Variants in ABI1 observed in about 807,000 individuals in gnomAD.
ABI1 encodes Abelson interactor 1.
A neutral mutation model predicts 54.6 loss-of-function variants in ABI1; 14 were observed. That is an observed-to-expected ratio of 0.26 (90% CI 0.17 to 0.40). The LOEUF (loss-of-function observed/expected upper bound fraction) is 0.40, where lower values mean the gene tolerates loss of function less well. Ranked by LOEUF, ABI1 falls within the 10% of genes least tolerant of loss-of-function variation. The pLI is 1.00. For synonymous variants in ABI1, 194 were observed against 209.3 expected (o/e 0.93, Z 0.63); for missense variants, 443 against 598.3 (o/e 0.74, Z 2.71).
intron 1 of ABI1, among the ~76,000 whole-genome samples, chr10:26,826,559 G>A (rs555419834): frequency 6.6e-6 from 1 of 152,288 alleles, no homozygotes; most frequent in East Asian, 1.9e-4. Flanking sequence ...GCCTTTGAAG[G>A]CCAGGCATGG....
At position 26,860,756 on chromosome 10, in the gene ABI1, G is replaced by C; in HGVS notation, c.108C>G (p.Asn36Lys). ...CGCCAGAGCGCCTCACCTGTATGTA[G>C]TTGTTTTCACAGTAGTCTGCCACCC... is the stretch of plus-strand genomic sequence containing the variant. The part of the protein sequence containing the change: ...LTRVADYCEN[N>K]YIQATDKRKA... The change falls in exon 1 of 11, where the codon AAC becomes AAG. Residue 36 changes from asparagine to lysine, a missense_variant. Physicochemically the swap from Asn to Lys is moderately conservative, Grantham distance 94. Around this residue, in one of 2 missense-constraint regions of ABI1, gnomAD observed 394 missense variants for 484.8 expected, o/e 0.81. Transcript: ENST00000376140. This position sits in a 1 kb window ranked among gnomAD's most constrained non-coding sequence, Gnocchi z 4.1. 1 of 1,613,904 alleles carries C rather than the reference G, an allele frequency of 6.2e-7. No homozygotes were observed. The highest frequency in any genetic ancestry group is 8.5e-7 in the Non-Finnish European group (1 of 1,179,848).
chr10:26,819,175 G>C (rs936778388), intron 2 of ABI1, among the ~76,000 whole-genome samples: 3 of 152,052 alleles, frequency 2.0e-5, no homozygotes, highest in African/African-American at 7.2e-5. Context: ...AATAATAAAA[G>C]AGAGAAGCAG....
Position 26,770,370 on chromosome 10 carries a change from T to C in ABI1, c.478-25A>G, listed in dbSNP as rs778623854. 3.8e-6 allele frequency: 6 copies of C among 1,586,374 alleles called. No individual in the cohort carries two copies. In the African/African-American group the frequency reaches 6.7e-5, roughly 18 times the overall value. On this transcript the variant is annotated intron_variant, in intron 4 of 10. Transcript: ENST00000376140. ...GCTAAAATGTAGAAAGAAATGCTTTTATTTTTATATCAAATTGTTCTCCTG... is the reference window on the plus strand; with the variant it reads ...GCTAAAATGTAGAAAGAAATGCTTTCATTTTTATATCAAATTGTTCTCCTG...
chr10:26,768,719 A>G (rs1840286228), intron 6 of ABI1, 133 bp downstream of exon 6: 1 of 715,618 alleles, frequency 1.4e-6, no homozygotes, highest in Non-Finnish European at 2.3e-6. Context: ...ATATAATATT[A>G]TTCCCCCAAC....
chr10:26,839,989 C>CA (rs1262058647), intron 1 of ABI1, among the ~76,000 whole-genome samples: 8 of 150,686 alleles, frequency 5.3e-5, no homozygotes, highest in East Asian at 3.9e-4. Flanking sequence ...GATCCTGTAT[C>CA]AAAAAAAACA....
intron 1 of ABI1, among the ~76,000 whole-genome samples, chr10:26,841,275 T>C (rs912460391): frequency 6.6e-6 from 1 of 152,178 alleles, no homozygotes. Flanking sequence ...TTTTATTTCA[T>C]TTTTTAAATA....
intron 1 of ABI1, among the ~76,000 whole-genome samples, chr10:26,851,544 T>C (rs903389277): frequency 6.6e-6 from 1 of 151,974 alleles, no homozygotes; most frequent in African/African-American, 2.4e-5. Flanking sequence ...GGTCAGTTAC[T>C]AGATGAGTAT....
intron 2 of ABI1, among the ~76,000 whole-genome samples, chr10:26,777,540 G>C (rs999357429): frequency 3.3e-5 from 5 of 152,162 alleles, no homozygotes; most frequent in African/African-American, 4.8e-5. Context: ...AGCACTTTAG[G>C]CCAAGACAGG....
chr10:26,855,970 CA>C (rs11369827), intron 1 of ABI1, among the ~76,000 whole-genome samples: 5,000 of 80,384 alleles, frequency 0.062, 194 homozygotes, highest in African/African-American at 0.16. Flanking sequence ...GACTCCATCT[CA>C]AAAAAAAAAA....
At position 26,751,694 on chromosome 10, in the gene ABI1, CTGG is replaced by C. The variant is rs201804543; in HGVS notation, c.1171_1173del (p.Pro391del). The C allele has an allele frequency of 3.3e-3, 5,275 of 1,613,242 alleles. 11 individuals are homozygous for C. Among genetic ancestry groups the C allele is most frequent in the Non-Finnish European group, 4.1e-3 (4,810 of 1,179,514 alleles). ...GCAGCCTCCTCATCTTCATAATCCA[CTGG>C]TGGTGGTGGTGGGGGAGGTGGAGAG... On this transcript the variant is annotated inframe_deletion, in exon 10 of 11. Coordinates refer to ENST00000376140, the MANE Select transcript of ABI1 (RefSeq NM_001012750.3).
chr10:26,812,754 T>C (rs114643396), intron 2 of ABI1, among the ~76,000 whole-genome samples: 2,363 of 152,294 alleles, frequency 0.016, 52 homozygotes, highest in African/African-American at 0.054. Flanking sequence ...CACCCTCTTC[T>C]TTCAAGAATA....
intron 2 of ABI1, among the ~76,000 whole-genome samples, chr10:26,804,338 G>A (rs533574346): frequency 4.9e-4 from 74 of 151,174 alleles, no homozygotes; most frequent in African/African-American, 1.8e-3. Flanking sequence ...AGCTTAGATC[G>A]CACCACTGCA....
intron 4 of ABI1, 104 bp downstream of exon 4, chr10:26,770,971 A>G: frequency 8.6e-7 from 1 of 1,158,952 alleles, no homozygotes; most frequent in Non-Finnish European, 1.3e-6. Context: ...TCCTACAGGG[A>G]AAAGCAGACA....
intron 2 of ABI1, among the ~76,000 whole-genome samples, chr10:26,813,663 CA>C (rs542873906): frequency 3.4e-4 from 52 of 152,256 alleles, no homozygotes; most frequent in African/African-American, 1.1e-3. Flanking sequence ...TCAACCCAAA[CA>C]ACAAATCACA....
chr10:26,838,570 G>C (rs2049262715), intron 1 of ABI1, among the ~76,000 whole-genome samples: 1 of 152,166 alleles, frequency 6.6e-6, no homozygotes, highest in Admixed American at 6.6e-5. Flanking sequence ...GGATTTCATT[G>C]TAAGTCTAGT....
chr10:26,765,737 G>A (rs1839874726), intron 6 of ABI1, among the ~76,000 whole-genome samples: 1 of 151,738 alleles, frequency 6.6e-6, no homozygotes, highest in Non-Finnish European at 1.5e-5. Context: ...GGTGGGTGCA[G>A]GTGGGTGGGG....
chr10:26,858,358 C>A (rs12771613), intron 1 of ABI1, among the ~76,000 whole-genome samples: 3 of 151,984 alleles, frequency 2.0e-5, no homozygotes, highest in Admixed American at 1.3e-4. Flanking sequence ...CTGACCCTGT[C>A]TGAGTCCCTT....
intron 1 of ABI1, among the ~76,000 whole-genome samples, chr10:26,852,887 C>T (rs12411969): frequency 0.26 from 38,900 of 151,836 alleles, 5,621 homozygotes; most frequent in South Asian, 0.43. Flanking sequence ...GGCAACACGG[C>T]AAAATCCCAT....
chr10:26,781,032 T>C (rs1056993872), intron 2 of ABI1, among the ~76,000 whole-genome samples: 1 of 152,180 alleles, frequency 6.6e-6, no homozygotes, highest in African/African-American at 2.4e-5. Context: ...GAATAGCCCA[T>C]GTAGAAAGGC....
Sources: allele counts gnomAD v4.1 joint callset (sites outside exome capture counted in the v4.1 genomes callset), GRCh38; gene constraint gnomAD v4.1.1; regional missense constraint gnomAD v4.1.1; non-coding constraint Gnocchi (gnomAD v3.1); transcripts MANE v1.5; gene names NCBI Gene and HGNC (gene_info 2026-07-23, HGNC 2026-07-21).